KIAA1549: variants seen among roughly 807,000 people sequenced by gnomAD.
KIAA1549 encodes KIAA1549.
In KIAA1549, 70 loss-of-function variants were observed where a neutral mutation model predicts 156.4. That is an observed-to-expected ratio of 0.45 (90% CI 0.37 to 0.55). The LOEUF (loss-of-function observed/expected upper bound fraction) is 0.55. KIAA1549 is among the 20% of genes least tolerant of loss of function. The pLI, the probability that KIAA1549 is intolerant of heterozygous loss-of-function variation, is 0.00. For missense variants in KIAA1549, 2,428 were observed against 2,540.9 expected (o/e 0.96, Z 0.96); for synonymous variants, 1,103 against 1,066.4 (o/e 1.03, Z -0.67).
intron 1 of KIAA1549, among the ~76,000 whole-genome samples, chr7:138,978,796 T>C (rs1482486441): frequency 6.6e-6 from 1 of 152,064 alleles, no homozygotes; most frequent in African/African-American, 2.4e-5. Context: ...ACATTCCAAA[T>C]CTCCTGGTGA....
At chr7:138,849,009 A>G (rs536823883) in intron 17 of KIAA1549, among the ~76,000 whole-genome samples, 1 of 152,316 alleles carries the variant, frequency 6.6e-6, no homozygotes, top group African/African-American at 2.4e-5. Context: ...CTGGGATTAC[A>G]ACCATGCACC....
intron 1 of KIAA1549, among the ~76,000 whole-genome samples, chr7:138,937,244 C>G (rs1813042549): frequency 1.3e-5 from 2 of 152,134 alleles, no homozygotes; most frequent in Non-Finnish European, 2.9e-5. Flanking sequence ...TCCCCAGAAC[C>G]CTGCATGTGC....
In KIAA1549 at chr7:138,838,081, G is replaced by GC; in HGVS notation, c.5677dup (p.Ala1893GlyfsTer126). On this transcript the variant is annotated frameshift_variant, in exon 20 of 20. Transcript: ENST00000422774. LOFTEE classifies it high-confidence loss of function. The stretch of plus-strand genomic sequence containing the variant: ...CCGGTGGGGGAGGTTCCCGGAAGGA[G>GC]CTGAGGGCTCCCTGCCTGAAGTCCT... 1 of 1,583,364 alleles carries GC rather than the reference G, an allele frequency of 6.3e-7. No individual in the cohort carries two copies. Among genetic ancestry groups the GC allele is most frequent in the East Asian group, 2.3e-5 (1 of 43,746 alleles).
chr7:138,838,949 G>C (rs1394565170), intron 19 of KIAA1549, among the ~76,000 whole-genome samples: 5 of 152,162 alleles, frequency 3.3e-5, no homozygotes, highest in Non-Finnish European at 7.3e-5. Flanking sequence ...AGGATTGCTT[G>C]AGGCCAGGAG....
At chr7:138,954,503 G>A (rs998244192) in intron 1 of KIAA1549, among the ~76,000 whole-genome samples, 14 of 152,112 alleles carry the variant, frequency 9.2e-5, no homozygotes, top group Non-Finnish European at 1.8e-4. Context: ...CTGCCAAAGC[G>A]CAGGCTCTCT....
rs1051580324 is a variant in KIAA1549, at chr7:138,835,122, C to T, written c.*2784G>A. 7.2e-5 allele frequency: 16 copies of T among 223,238 alleles called. No individual in the cohort carries two copies. Among genetic ancestry groups the T allele is most frequent in the Admixed American group, 1.1e-4 (2 of 17,438 alleles). 13.8% of individuals were successfully genotyped at this position (223,238 alleles called of 1,614,324 possible). A position where few individuals can be genotyped will look rare whatever the true frequency, so the allele number is the denominator to read the frequency against. On this transcript the variant is annotated 3_prime_UTR_variant, in exon 20 of 20. Coordinates refer to ENST00000422774, the MANE Select transcript of KIAA1549 (RefSeq NM_001164665.2). Reference sequence around the variant, plus strand: ...TCCATAAACGGACTCCAAAGCCACACGCTGTCAACGCAAGGACCCTTCCTT... The same window carrying T: ...TCCATAAACGGACTCCAAAGCCACATGCTGTCAACGCAAGGACCCTTCCTT...
intron 10 of KIAA1549, among the ~76,000 whole-genome samples, chr7:138,885,817 A>G (rs1371540222): frequency 6.6e-6 from 1 of 152,190 alleles, no homozygotes; most frequent in African/African-American, 2.4e-5. Flanking sequence ...AAACCCAAAA[A>G]GCGATGGTGG....
chr7:138,899,422 T>C (rs1305699665), intron 8 of KIAA1549, among the ~76,000 whole-genome samples: 1 of 152,058 alleles, frequency 6.6e-6, no homozygotes, highest in African/African-American at 2.4e-5. Flanking sequence ...GTCCAGGTGG[T>C]CTAAAATCAT....
chr7:138,970,159 T>A (rs979351748), intron 1 of KIAA1549, among the ~76,000 whole-genome samples: 1 of 152,206 alleles, frequency 6.6e-6, no homozygotes, highest in Non-Finnish European at 1.5e-5. Context: ...CCATCCCCAC[T>A]TCCTCCCAGA....
intron 7 of KIAA1549, 49 bp downstream of exon 7, chr7:138,904,973 A>G: frequency 8.5e-7 from 1 of 1,179,332 alleles, no homozygotes; most frequent in Non-Finnish European, 1.2e-6. Flanking sequence ...ACGCCTGCAT[A>G]GACTTCTTCT....
intron 2 of KIAA1549, among the ~76,000 whole-genome samples, chr7:138,912,994 C>T (rs1584750734): frequency 2.0e-5 from 3 of 152,302 alleles, no homozygotes; most frequent in African/African-American, 7.2e-5. Context: ...CCTGCCTCAG[C>T]CTCCTGAGTA....
At chr7:138,938,713 T>C (rs537822355) in intron 1 of KIAA1549, among the ~76,000 whole-genome samples, 1 of 152,392 alleles carries the variant, frequency 6.6e-6, no homozygotes, top group Admixed American at 6.5e-5. Context: ...TACAATAAAT[T>C]GTTTAAATGC....
At chr7:138,882,427 C>G (rs1811271541) in intron 10 of KIAA1549, among the ~76,000 whole-genome samples, 2 of 152,130 alleles carry the variant, frequency 1.3e-5, no homozygotes, top group South Asian at 2.1e-4. Context: ...GACAAAATGA[C>G]AGGTTTCATT....
chr7:138,831,433 AG>A lies in KIAA1549; in HGVS notation c.*6472del, dbSNP rs1455454325. On this transcript the variant is annotated 3_prime_UTR_variant, in exon 20 of 20. Transcript: ENST00000422774. ...ACATTTCCATTTAAAATGCTAGGAA[AG>A]CTGTATAAATTGTAAACATGGAAAC... is the stretch of plus-strand genomic sequence containing the variant. 9.8e-6 allele frequency: 2 copies of A among 203,684 alleles called. No homozygotes were observed. The highest frequency in any genetic ancestry group is 4.6e-5 in the African/African-American group (2 of 43,730). The allele number at this position is 203,684 out of a possible 1,614,324, so 12.6% of individuals were successfully genotyped here. A position where few individuals can be genotyped will look rare whatever the true frequency, so the allele number is the denominator to read the frequency against.
chr7:138,866,218 A>C (rs982062958), intron 15 of KIAA1549, among the ~76,000 whole-genome samples: 2 of 152,168 alleles, frequency 1.3e-5, no homozygotes, highest in African/African-American at 2.4e-5. Context: ...GTAGATCAAG[A>C]AGGTCGGTCT....
chr7:138,938,403 C>T (rs1289342046), intron 1 of KIAA1549, among the ~76,000 whole-genome samples: 1 of 152,130 alleles, frequency 6.6e-6, no homozygotes, highest in African/African-American at 2.4e-5. Context: ...CTCATCCTTA[C>T]TTAATTTATT....
chr7:138,920,343 T>C (rs1023321659), intron 1 of KIAA1549, among the ~76,000 whole-genome samples: 1 of 151,784 alleles, frequency 6.6e-6, no homozygotes, highest in African/African-American at 2.4e-5. Flanking sequence ...GTCCTTATCA[T>C]GCCCACTGAA....
chr7:138,937,336 T>C (rs530634280), intron 1 of KIAA1549, among the ~76,000 whole-genome samples: 28 of 152,300 alleles, frequency 1.8e-4, no homozygotes, highest in African/African-American at 6.0e-4. Flanking sequence ...TGTGAGCTAC[T>C]TGAAGGAAGA....
chr7:138,871,275 G>C lies in KIAA1549; in HGVS notation c.4433C>G (p.Ala1478Gly), dbSNP rs959552589. The stretch of plus-strand genomic sequence containing the variant: ...GATCTTACTGGGGACCCGCCGGCTA[G>C]CCTCCGGGGGGCGGGAGATCCTGTC... Reference protein sequence around the residue: ...HVDRISRPPEASRRVPSKIQL... With the variant: ...HVDRISRPPEGSRRVPSKIQL... Residue 1478 changes from alanine to glycine, a missense_variant, in exon 13 of 20, where the codon GCT becomes GGT. Coordinates refer to ENST00000422774, the MANE Select transcript of KIAA1549 (RefSeq NM_001164665.2). The C allele has an allele frequency of 1.9e-6, 3 of 1,611,084 alleles. No homozygotes were observed. Among genetic ancestry groups the C allele is most frequent in the Admixed American group, 3.3e-5 (2 of 59,718 alleles).
Sources: allele counts gnomAD v4.1 joint callset (sites outside exome capture counted in the v4.1 genomes callset), GRCh38; gene constraint gnomAD v4.1.1; transcripts MANE v1.5; gene names NCBI Gene and HGNC (gene_info 2026-07-23, HGNC 2026-07-21).